Variants in ASH1L observed in about 807,000 individuals in gnomAD.
The protein encoded by ASH1L is ASH1 like histone lysine methyltransferase, also known as histone-lysine N-methyltransferase ASH1L.
A neutral mutation model predicts 269.0 loss-of-function variants in ASH1L; 23 were observed. That is an observed-to-expected ratio of 0.09 (90% CI 0.06 to 0.12). The LOEUF (loss-of-function observed/expected upper bound fraction) is 0.12, where lower values mean the gene tolerates loss of function less well. Ranked by LOEUF, ASH1L falls within the 10% of genes least tolerant of loss-of-function variation. ASH1L has a pLI of 1.00. For synonymous variants in ASH1L, 1,187 were observed against 1,253.5 expected (o/e 0.95, Z 1.12); for missense variants, 2,912 against 3,567.8 (o/e 0.82, Z 4.68).
At chr1:155,352,676 A>C in intron 17 of ASH1L, 30 bp downstream of exon 17, 1 of 1,554,134 alleles carries the variant, frequency 6.4e-7, no homozygotes, top group Non-Finnish European at 8.7e-7. Context: ...AAAAGAAAAA[A>C]AGAACGAATT....
At chr1:155,519,470 T>C (rs1668720974) in intron 2 of ASH1L, among the ~76,000 whole-genome samples, 1 of 151,898 alleles carries the variant, frequency 6.6e-6, no homozygotes, top group African/African-American at 2.4e-5. Context: ...AAAAATAAAG[T>C]GGTATATCCA....
chr1:155,398,180 G>C (rs1340013820), intron 6 of ASH1L, among the ~76,000 whole-genome samples: 2 of 152,108 alleles, frequency 1.3e-5, no homozygotes, highest in African/African-American at 4.8e-5. Context: ...CTCAAACGCA[G>C]ATATATGTAA....
chr1:155,396,744 A>T (rs1202044243), intron 6 of ASH1L, among the ~76,000 whole-genome samples: 1 of 151,506 alleles, frequency 6.6e-6, no homozygotes, highest in East Asian at 2.0e-4. Flanking sequence ...CGGGTGGGTT[A>T]TGAAGTCAGG....
chr1:155,388,965 T>C (rs2148467672), intron 7 of ASH1L, among the ~76,000 whole-genome samples: 1 of 152,042 alleles, frequency 6.6e-6, no homozygotes, highest in South Asian at 2.1e-4. Flanking sequence ...CTCCTCGGCC[T>C]CCCAAAGTGC....
intron 1 of ASH1L, among the ~76,000 whole-genome samples, chr1:155,557,571 C>T (rs187474291): frequency 2.0e-5 from 3 of 151,948 alleles, no homozygotes; most frequent in East Asian, 1.9e-4. Context: ...TGAGCCACCA[C>T]GCCCGGCCTA....
chr1:155,522,573 A>G (rs980623625), intron 1 of ASH1L, among the ~76,000 whole-genome samples: 1 of 152,114 alleles, frequency 6.6e-6, no homozygotes, highest in African/African-American at 2.4e-5. Context: ...CTAATTTATT[A>G]TTTTACAATA....
intron 5 of ASH1L, among the ~76,000 whole-genome samples, chr1:155,417,155 G>C (rs1197014606): frequency 6.6e-6 from 1 of 151,668 alleles, no homozygotes; most frequent in Non-Finnish European, 1.5e-5. Context: ...GGATGGTCTT[G>C]AACTCCTGAT....
chr1:155,433,102 CA>C, intron 5 of ASH1L: 2 of 1,349,002 alleles, frequency 1.5e-6, no homozygotes. Flanking sequence ...ACAGAGATAC[CA>C]AAATAGACTG....
In ASH1L at chr1:155,341,926, G is replaced by A. The variant is rs762164480; in HGVS notation, c.8460+10C>T. ...CTAACATGTAGTGTTAAGAAAGGAA[G>A]GAGACTCACCGAGAAATCTTTTTTG... On this transcript the variant is annotated intron_variant, in intron 25 of 27. Transcript: ENST00000392403. 7.4e-6 allele frequency: 12 copies of A among 1,613,810 alleles called. No individual in the cohort carries two copies. The highest frequency in any genetic ancestry group is 9.3e-6 in the Non-Finnish European group (11 of 1,179,704).
At position 155,438,829 on chromosome 1, in the gene ASH1L, T is replaced by A. The variant is rs1662312421; in HGVS notation, c.5326A>T (p.Asn1776Tyr). Residue 1776 changes from asparagine to tyrosine, a missense_variant, in exon 5 of 28, where the codon AAT (asparagine) becomes TAT (tyrosine). Physicochemically the swap from Asn to Tyr is moderately radical, Grantham distance 143. This residue lies in a region of ASH1L where 789 missense variants were observed against 897.6 expected (regional missense o/e 0.88). Coordinates refer to ENST00000392403, the MANE Select transcript of ASH1L (RefSeq NM_018489.3). ...TCAGATAGGAGTGAGATGCTATTAT[T>A]GCAAGAGTCACTTGTGACTGCAGGC... is the stretch of plus-strand genomic sequence containing the variant. ...LVPAVTSDSC[N>Y]NSISLLSEKL... 2 of 1,614,228 alleles carry A rather than the reference T, an allele frequency of 1.2e-6. No individual in the cohort carries two copies. Among genetic ancestry groups the A allele is most frequent in the Non-Finnish European group, 1.7e-6 (2 of 1,180,040 alleles).
chr1:155,514,074 A>G (rs1294124446), intron 2 of ASH1L, among the ~76,000 whole-genome samples: 1 of 152,234 alleles, frequency 6.6e-6, no homozygotes, highest in Non-Finnish European at 1.5e-5. Context: ...GATTCTACTT[A>G]TATGTGGTAA....
At chr1:155,538,348 T>TTGTC (rs1670193776) in intron 1 of ASH1L, among the ~76,000 whole-genome samples, 1 of 145,456 alleles carries the variant, frequency 6.9e-6, no homozygotes, top group South Asian at 2.1e-4. Flanking sequence ...TGGCGTTTTT[T>TTGTC]TGTTTGTTTG....
At position 155,521,259 on chromosome 1, in the gene ASH1L, C is replaced by T; in HGVS notation, c.261G>A (p.Leu87=). 1 of 1,614,132 alleles carries T rather than the reference C, an allele frequency of 6.2e-7. No individual in the cohort carries two copies. The highest frequency in any genetic ancestry group is 8.5e-7 in the Non-Finnish European group (1 of 1,180,014). ...TTCTCTTAGCCTGGAGGCCAATTTT[C>T]AATTTTAAATTTCCCTCTGAAAAGT... The part of the protein sequence containing the change: ...ETNFSEGNLK[L]KIGLQAKRTK... Residue 87 remains leucine, a synonymous_variant, in exon 2 of 28, where the codon TTG becomes TTA. Coordinates refer to ENST00000392403, the MANE Select transcript of ASH1L (RefSeq NM_018489.3).
At position 155,562,344 on chromosome 1, in the gene ASH1L, G is replaced by C. The variant is rs895669607; in HGVS notation, c.-291C>G. On this transcript the variant is annotated 5_prime_UTR_variant, in exon 1 of 28. Coordinates refer to ENST00000392403, the MANE Select transcript of ASH1L (RefSeq NM_018489.3). ...AAGGGAAAGGTGGAAGGCTAAAGGGGGCAAACTGAGGGGAGGCGGGTCCCG... is the reference window on the plus strand; with the variant it reads ...AAGGGAAAGGTGGAAGGCTAAAGGGCGCAAACTGAGGGGAGGCGGGTCCCG... 3 of 1,546,190 alleles carry C rather than the reference G, an allele frequency of 1.9e-6. No individual in the cohort carries two copies. The highest frequency in any genetic ancestry group is 1.4e-5 in the African/African-American group (1 of 73,460).
chr1:155,481,543 T>C lies in ASH1L; in HGVS notation c.1327A>G (p.Asn443Asp), dbSNP rs774532991. ...TCCTGACTTTCCTGATTATTGATGTTTGTACTACAAGAAGCCTTAAGCGGT... is the reference window on the plus strand; with the variant it reads ...TCCTGACTTTCCTGATTATTGATGTCTGTACTACAAGAAGCCTTAAGCGGT... Reference protein sequence around the residue: ...QEPLKASCSTNINNQESQELS... With the variant: ...QEPLKASCSTDINNQESQELS... The change falls in exon 3 of 28, where the codon AAC becomes GAC. Residue 443 changes from asparagine (N) to aspartate (D), a missense_variant. Around this residue, in one of 13 missense-constraint regions of ASH1L, gnomAD observed 715 missense variants for 721.0 expected, o/e 0.99. Coordinates refer to ENST00000392403, the MANE Select transcript of ASH1L (RefSeq NM_018489.3). The C allele has an allele frequency of 3.1e-6, 5 of 1,614,080 alleles. No individual in the cohort carries two copies. In the Admixed American group the frequency reaches 5.0e-5, roughly 16 times the overall value.
chr1:155,484,347 G>C (rs969768108), intron 2 of ASH1L, among the ~76,000 whole-genome samples: 2 of 151,588 alleles, frequency 1.3e-5, no homozygotes, highest in Admixed American at 6.6e-5. Context: ...AAATTAGCTG[G>C]GGCTGGTGGC....
At chr1:155,384,890 C>T (rs1394286874) in intron 7 of ASH1L, among the ~76,000 whole-genome samples, 7 of 151,964 alleles carry the variant, frequency 4.6e-5, no homozygotes, top group African/African-American at 1.5e-4. Context: ...TCCATGACTC[C>T]GATAACACAA....
At chr1:155,507,899 T>A (rs1469436274) in intron 2 of ASH1L, among the ~76,000 whole-genome samples, 1 of 152,276 alleles carries the variant, frequency 6.6e-6, no homozygotes, top group East Asian at 1.9e-4. Context: ...AAAAATGTTA[T>A]GTATCCACCA....
At chr1:155,379,991 C>T in intron 8 of ASH1L, 52 bp downstream of exon 8, 1 of 1,323,368 alleles carries the variant, frequency 7.6e-7, no homozygotes, top group Non-Finnish European at 1.1e-6. Context: ...CATTTCCACC[C>T]CTCCCCCTTT....
Sources: gnomAD v4.1 joint callset for allele counts (sites outside exome capture counted in the v4.1 genomes callset) on GRCh38, gnomAD v4.1.1 for gene constraint, gnomAD v4.1.1 regional missense constraint, MANE v1.5 for transcripts, NCBI Gene and HGNC (gene_info 2026-07-23, HGNC 2026-07-21) for gene names.